The following RAB30 variants were observed in gnomAD, a reference collection of about 807,000 sequenced individuals.
RAB30 encodes RAB30, member RAS oncogene family, also known as ras-related protein Rab-30.
In RAB30, 9 loss-of-function variants were observed where a neutral mutation model predicts 25.1. The ratio of observed to expected loss-of-function variants is 0.36; its 90% confidence interval spans 0.22 to 0.63. The LOEUF is 0.63. Ranked by LOEUF, RAB30 falls within the 20% of genes least tolerant of loss-of-function variation. The pLI, the probability that RAB30 is intolerant of heterozygous loss-of-function variation, is 0.69. For missense variants in RAB30, 140 were observed against 243.5 expected, an observed-to-expected ratio of 0.58 and a Z score of 2.83; for synonymous variants, 77 against 86.4, an observed-to-expected ratio of 0.89 and a Z score of 0.60.
intron 1 of RAB30, among the ~76,000 whole-genome samples, chr11:83,031,103 G>A (rs1005125630): frequency 1.3e-5 from 2 of 152,198 alleles, no homozygotes; most frequent in African/African-American, 4.8e-5. Flanking sequence ...CAAGGAGAGA[G>A]GCCTCAGAGG....
chr11:83,056,755 T>A (rs547678572), intron 1 of RAB30, among the ~76,000 whole-genome samples: 1 of 152,310 alleles, frequency 6.6e-6, no homozygotes, highest in African/African-American at 2.4e-5. Flanking sequence ...TACTTAAGTT[T>A]TCAGAGATTC....
chr11:83,007,080 G>C lies in RAB30; in HGVS notation c.-8-9756C>G, dbSNP rs189290164. Among the ~76,000 whole-genome samples the C allele has an allele frequency of 3.3e-3, 498 of 152,354 alleles. 3 individuals carry two copies. The highest frequency in any genetic ancestry group is 0.012 in the African/African-American group (482 of 41,576). On this transcript the variant is annotated intron_variant, in intron 1 of 4. Coordinates refer to ENST00000527633, the MANE Select transcript of RAB30 (RefSeq NM_001286060.2). The stretch of plus-strand genomic sequence containing the variant: ...CTCATCTTTTTCTCCCCATTTTACA[G>C]AAATGAGATTTGAAACCAAGATAGT...
intron 1 of RAB30, among the ~76,000 whole-genome samples, chr11:83,063,546 C>G (rs577070150): frequency 2.6e-5 from 4 of 152,300 alleles, no homozygotes; most frequent in African/African-American, 9.6e-5. Flanking sequence ...GGGATTTCTA[C>G]ATTATTTACA....
intron 1 of RAB30, among the ~76,000 whole-genome samples, chr11:83,066,998 T>C (rs981904826): frequency 1.1e-4 from 16 of 152,188 alleles, no homozygotes; most frequent in Admixed American, 1.3e-4. Context: ...TACCAACATT[T>C]AGAGTCCCTA....
chr11:83,007,792 G>A (rs1241803974), intron 1 of RAB30, among the ~76,000 whole-genome samples: 2 of 152,172 alleles, frequency 1.3e-5, no homozygotes, highest in African/African-American at 4.8e-5. Context: ...CTCCTGCTTT[G>A]TTTCCTGGGG....
intron 1 of RAB30, among the ~76,000 whole-genome samples, chr11:83,001,213 G>C (rs1324878009): frequency 2.0e-5 from 3 of 151,128 alleles, no homozygotes; most frequent in Non-Finnish European, 4.4e-5. Context: ...GCTTTCTTTT[G>C]TTTTTGAGAC....
chr11:83,008,364 A>G (rs1857231854), intron 1 of RAB30, among the ~76,000 whole-genome samples: 1 of 152,192 alleles, frequency 6.6e-6, no homozygotes, highest in South Asian at 2.1e-4. Flanking sequence ...AGAGGGAAGC[A>G]AGTGTCCACA....
chr11:83,002,793 T>C (rs1476135048), intron 1 of RAB30, among the ~76,000 whole-genome samples: 7 of 152,134 alleles, frequency 4.6e-5, no homozygotes. Flanking sequence ...ACTCTGTCGA[T>C]AAATAAATGA....
chr11:83,022,265 T>C (rs1282308951), intron 1 of RAB30, among the ~76,000 whole-genome samples: 3 of 152,150 alleles, frequency 2.0e-5, no homozygotes, highest in African/African-American at 7.2e-5. Flanking sequence ...GCTCAGGTGA[T>C]TGTCCCACCT....
At chr11:83,042,580 C>T (rs1858151682) in intron 1 of RAB30, among the ~76,000 whole-genome samples, 1 of 151,930 alleles carries the variant, frequency 6.6e-6, no homozygotes, top group Non-Finnish European at 1.5e-5. Flanking sequence ...AAAAAACCCA[C>T]AAATCTTTCT....
Position 82,975,116 on chromosome 11 carries a change from G to A in RAB30, c.*7049C>T, listed in dbSNP as rs560219312. On this transcript the variant is annotated 3_prime_UTR_variant, in exon 5 of 5. Coordinates refer to ENST00000527633, the MANE Select transcript of RAB30 (RefSeq NM_001286060.2). Reference sequence around the variant, plus strand: ...AGCATTTGAAATTTTCTATCACAGGGACATGAAAGCCTAAACCGGCCTTAA... The same window carrying A: ...AGCATTTGAAATTTTCTATCACAGGAACATGAAAGCCTAAACCGGCCTTAA... 37 of 152,018 alleles carry A rather than the reference G, an allele frequency of 2.4e-4. No homozygotes were observed. The highest frequency in any genetic ancestry group is 8.4e-4 in the African/African-American group (35 of 41,474). The allele number at this position is 152,018 out of a possible 1,614,324, so 9.4% of individuals were successfully genotyped here.
Position 82,987,638 on chromosome 11 carries a change from G to A in RAB30, c.310C>T (p.Leu104=), listed in dbSNP as rs1162101541. Residue 104 remains leucine, a synonymous_variant, in exon 4 of 5, where the codon CTG becomes TTG. Transcript: ENST00000527633. ...EESFRCLPEW[L]REIEQYASNK... is the part of the protein sequence containing the mutation. ...CTGGCATATTGTTCTATCTCCCGCAGCCACTCAGGAAGGCAACGGAAGGAT... is the reference window on the plus strand; with the variant it reads ...CTGGCATATTGTTCTATCTCCCGCAACCACTCAGGAAGGCAACGGAAGGAT... 1 of 1,613,824 alleles carries A rather than the reference G, an allele frequency of 6.2e-7. No homozygotes were observed. The highest frequency in any genetic ancestry group is 1.1e-5 in the South Asian group (1 of 91,042).
At chr11:83,051,059 G>C (rs560753042) in intron 1 of RAB30, among the ~76,000 whole-genome samples, 2 of 152,126 alleles carry the variant, frequency 1.3e-5, no homozygotes, top group African/African-American at 4.8e-5. Flanking sequence ...TAAATTATGG[G>C]GTCACAAACT....
At chr11:83,022,816 G>A (rs540693961) in intron 1 of RAB30, among the ~76,000 whole-genome samples, 1 of 152,030 alleles carries the variant, frequency 6.6e-6, no homozygotes, top group Non-Finnish European at 1.5e-5. Context: ...GATATCAGAT[G>A]ATCATTTTGT....
rs1856577156 is a variant in RAB30 at position 82,978,190 on chromosome 11, G to A, written c.*3975C>T. The A allele has an allele frequency of 6.6e-6, 1 of 151,944 alleles. No homozygotes were observed. Among genetic ancestry groups the A allele is most frequent in the South Asian group, 2.1e-4 (1 of 4,818 alleles). The allele number at this position is 151,944 out of a possible 1,614,324, so 9.4% of individuals were successfully genotyped here. On this transcript the variant is annotated 3_prime_UTR_variant, in exon 5 of 5. Coordinates refer to ENST00000527633, the MANE Select transcript of RAB30 (RefSeq NM_001286060.2). ...CCATGGTTGAGAAAAGTAACCAGTT[G>A]CAGTTAAAACAACAACAACAACAAC...
intron 1 of RAB30, among the ~76,000 whole-genome samples, chr11:83,010,874 C>T (rs947836607): frequency 2.0e-5 from 3 of 152,124 alleles, no homozygotes; most frequent in Admixed American, 6.5e-5. Flanking sequence ...CCATATAGAA[C>T]ATCAACACCA....
chr11:83,038,256 T>C (rs1858029624), intron 1 of RAB30, among the ~76,000 whole-genome samples: 2 of 152,122 alleles, frequency 1.3e-5, no homozygotes, highest in Non-Finnish European at 2.9e-5. Flanking sequence ...GCAAATGAGA[T>C]CAACGTTAGC....
intron 1 of RAB30, among the ~76,000 whole-genome samples, chr11:83,021,468 A>C (rs533304659): frequency 2.0e-5 from 3 of 152,256 alleles, no homozygotes; most frequent in South Asian, 4.1e-4. Flanking sequence ...CTTGCGGCGC[A>C]CCTGGTCCAG....
chr11:83,020,108 C>T (rs568343693), intron 1 of RAB30, among the ~76,000 whole-genome samples: 14 of 152,366 alleles, frequency 9.2e-5, no homozygotes, highest in African/African-American at 2.9e-4. Context: ...GCTACACAAA[C>T]CATGGCTGCA....
Sources: allele counts gnomAD v4.1 joint callset (sites outside exome capture counted in the v4.1 genomes callset), GRCh38; gene constraint gnomAD v4.1.1; transcripts MANE v1.5; gene names NCBI Gene and HGNC (gene_info 2026-07-23, HGNC 2026-07-21).